The following SGSM1 variants were observed in gnomAD, a reference collection of about 807,000 sequenced individuals.
SGSM1 encodes the protein small G protein signaling modulator 1.
A neutral mutation model predicts 133.8 loss-of-function variants in SGSM1; 73 were observed. That is an observed-to-expected ratio of 0.55 (90% CI 0.45 to 0.66). The LOEUF is 0.66. SGSM1 is among the 30% of genes least tolerant of loss of function. The probability of loss-of-function intolerance (pLI) is 0.00; values close to 1 mark genes in which losing one functional copy is unlikely to be tolerated. For synonymous variants in SGSM1, 563 were observed against 573.0 expected, an observed-to-expected ratio of 0.98 and a Z score of 0.25; for missense variants, 1,213 against 1,448.1, an observed-to-expected ratio of 0.84 and a Z score of 2.64.
Position 24,870,139 on chromosome 22 carries a change from T to A in SGSM1, c.1291+1284T>A, listed in dbSNP as rs574679723. The stretch of plus-strand genomic sequence containing the variant: ...GGCTGGAACCCCTTAAGCGCTACAG[T>A]GTCCTGAAGTGTTCATGACCATGTC... On this transcript the variant is annotated intron_variant, in intron 12 of 24. Transcript: ENST00000400358. 3.0e-3 allele frequency among the ~76,000 whole-genome samples: 456 copies of A among 152,318 alleles called. 2 individuals carry two copies. Among genetic ancestry groups the A allele is most frequent in the Non-Finnish European group, 5.4e-3 (364 of 68,016 alleles).
intron 16 of SGSM1, among the ~76,000 whole-genome samples, chr22:24,892,213 G>C (rs187378484): frequency 5.3e-4 from 81 of 152,254 alleles, no homozygotes; most frequent in African/African-American, 1.7e-3. Context: ...GGGCAGGAGG[G>C]AGTGGCTCAG....
At chr22:24,812,447 G>A (rs911669086) in intron 2 of SGSM1, among the ~76,000 whole-genome samples, 2 of 152,188 alleles carry the variant, frequency 1.3e-5, no homozygotes, top group East Asian at 1.9e-4. Flanking sequence ...CCAAGATCTA[G>A]GGGGATGGCC....
chr22:24,877,746 C>T (rs922793613), intron 13 of SGSM1, among the ~76,000 whole-genome samples: 7 of 151,090 alleles, frequency 4.6e-5, no homozygotes, highest in Admixed American at 2.0e-4. Flanking sequence ...GGTTTCAAGA[C>T]CATGTGTATA....
chr22:24,845,935 C>A (rs867261710), intron 3 of SGSM1, among the ~76,000 whole-genome samples: 42 of 142,826 alleles, frequency 2.9e-4, no homozygotes, highest in African/African-American at 1.1e-3. Flanking sequence ...TCTTTCTTTT[C>A]TTTTCTTTTC....
chr22:24,838,435 A>C (rs541413162), intron 2 of SGSM1, among the ~76,000 whole-genome samples: 1 of 152,338 alleles, frequency 6.6e-6, no homozygotes, highest in African/African-American at 2.4e-5. Context: ...GGAAGCAAAC[A>C]TGGTGAATGA....
chr22:24,860,897 TAAAAAAAAAAAAAA>T (rs554853690), intron 9 of SGSM1, among the ~76,000 whole-genome samples: 15 of 43,884 alleles, frequency 3.4e-4, no homozygotes, highest in African/African-American at 1.2e-3. Context: ...GAGACTGTCT[TAAAAAAAAAAAAAA>T]AAAAAAAAAA....
At position 24,847,659 on chromosome 22, in the gene SGSM1, C is replaced by T. The variant is rs200862073; in HGVS notation, c.165C>T (p.His55=). 2.4e-5 allele frequency: 38 copies of T among 1,613,636 alleles called. No individual in the cohort carries two copies. The highest frequency in any genetic ancestry group is 1.8e-4 in the East Asian group (8 of 44,878). ...CGGCTGTGGAGGCCTGCGTTCTGCACGGGCTTCGGCGGCGGGCGGCTGGCT... is the reference window on the plus strand; with the variant it reads ...CGGCTGTGGAGGCCTGCGTTCTGCATGGGCTTCGGCGGCGGGCGGCTGGCT... ...FCAAVEACVL[H]GLRRRAAGFL... is the part of the protein sequence containing the mutation. The change falls in exon 4 of 25, where the codon CAC becomes CAT. Residue 55 remains histidine (H), a synonymous_variant. Transcript: ENST00000400358.
intron 2 of SGSM1, among the ~76,000 whole-genome samples, chr22:24,818,239 A>AT (rs1928232770): frequency 6.8e-6 from 1 of 148,026 alleles, no homozygotes; most frequent in African/African-American, 2.5e-5. Flanking sequence ...CTCAAAAAAA[A>AT]AAAAAATAAA....
rs1467029606 is a variant in SGSM1 at position 24,927,032 on chromosome 22, G to A, written c.*2758G>A. ...TTGTATTAGCTGGCTCTTACCACAA[G>A]TAATGCTGCATTACAAATGACCCAA... is the stretch of plus-strand genomic sequence containing the variant. On this transcript the variant is annotated 3_prime_UTR_variant, in exon 25 of 25. Transcript: ENST00000400358. The A allele has an allele frequency of 6.6e-6, 1 of 152,108 alleles. No homozygotes were observed. The highest frequency in any genetic ancestry group is 1.5e-5 in the Non-Finnish European group (1 of 68,028). 9.4% of individuals were successfully genotyped at this position (152,108 alleles called of 1,614,324 possible).
chr22:24,807,313 G>A (rs1236229632), intron 2 of SGSM1, among the ~76,000 whole-genome samples: 1 of 149,450 alleles, frequency 6.7e-6, no homozygotes, highest in African/African-American at 2.5e-5. Flanking sequence ...GTGTGCGTAT[G>A]AGAATGTCTG....
chr22:24,830,051 G>A (rs1055891834), intron 2 of SGSM1, among the ~76,000 whole-genome samples: 2 of 115,552 alleles, frequency 1.7e-5, no homozygotes, highest in Admixed American at 9.8e-5. Flanking sequence ...GGATGGGTTC[G>A]GAGGAGTGTG....
intron 2 of SGSM1, among the ~76,000 whole-genome samples, chr22:24,815,609 G>C (rs1928019821): frequency 6.6e-6 from 1 of 152,186 alleles, no homozygotes; most frequent in Non-Finnish European, 1.5e-5. Context: ...GCCGGGCGTG[G>C]TGGCGGGCGC....
At chr22:24,813,464 A>G (rs1927869165) in intron 2 of SGSM1, among the ~76,000 whole-genome samples, 1 of 152,076 alleles carries the variant, frequency 6.6e-6, no homozygotes, top group South Asian at 2.1e-4. Flanking sequence ...CCCCCCACCC[A>G]CTACTCGCCC....
intron 10 of SGSM1, among the ~76,000 whole-genome samples, chr22:24,867,851 ACTTAAC>A (rs1931542609): frequency 6.6e-6 from 1 of 152,158 alleles, no homozygotes; most frequent in Non-Finnish European, 1.5e-5. Flanking sequence ...TGGAGAAGTT[ACTTAAC>A]CTCTCTGAGC....
At chr22:24,880,302 T>A (rs538449058) in intron 14 of SGSM1, among the ~76,000 whole-genome samples, 21 of 152,118 alleles carry the variant, frequency 1.4e-4, no homozygotes, top group African/African-American at 5.1e-4. Flanking sequence ...ACCCAGCTAA[T>A]TTTTCTGTTT....
Position 24,919,910 on chromosome 22 carries a change from T to C in SGSM1, c.3110T>C (p.Ile1037Thr). 6.2e-7 allele frequency: 1 copy of C among 1,614,040 alleles called. No homozygotes were observed. The highest frequency in any genetic ancestry group is 8.5e-7 in the Non-Finnish European group (1 of 1,179,892). ...TCCTCTGCGCACTACGTCCTGTTCA[T>C]TGCGCTGGCTCTGGTGGAAGTCTAC... ...HVSSAHYVLF[I>T]ALALVEVYRD... is the part of the protein sequence containing the mutation. The change falls in exon 24 of 25, where the codon ATT becomes ACT. Residue 1037 changes from isoleucine to threonine, a missense_variant. Transcript: ENST00000400358.
intron 2 of SGSM1, among the ~76,000 whole-genome samples, chr22:24,841,071 CG>C (rs1396300594): frequency 1.3e-5 from 2 of 151,788 alleles, no homozygotes; most frequent in East Asian, 3.9e-4. Context: ...AAGATGGTCT[CG>C]ATCTCCTGAC....
At chr22:24,814,567 A>C (rs950739730) in intron 2 of SGSM1, among the ~76,000 whole-genome samples, 1 of 151,624 alleles carries the variant, frequency 6.6e-6, no homozygotes, top group African/African-American at 2.4e-5. Context: ...CCACAACAGC[A>C]AGGGCCTCAA....
chr22:24,846,544 A>G (rs1327539247), intron 3 of SGSM1, among the ~76,000 whole-genome samples: 2 of 152,228 alleles, frequency 1.3e-5, no homozygotes, highest in Non-Finnish European at 2.9e-5. Flanking sequence ...TAAAAATAGT[A>G]TAATAATTCA....
Sources: gnomAD v4.1 joint callset for allele counts (sites outside exome capture counted in the v4.1 genomes callset) on GRCh38, gnomAD v4.1.1 for gene constraint, MANE v1.5 for transcripts, NCBI Gene and HGNC (gene_info 2026-07-23, HGNC 2026-07-21) for gene names.